Variants in IGF2BP2 observed in about 807,000 individuals in gnomAD.
IGF2BP2 encodes the protein insulin like growth factor 2 mRNA binding protein 2.
Under a neutral mutation model 75.8 loss-of-function variants are expected in IGF2BP2, and 17 were observed. The ratio of observed to expected loss-of-function variants is 0.22; its 90% CI spans 0.15 to 0.34. IGF2BP2 has a LOEUF of 0.34. Ranked by LOEUF, IGF2BP2 falls within the 10% of genes least tolerant of loss-of-function variation. IGF2BP2 has a pLI of 1.00. For missense variants in IGF2BP2, 516 were observed against 772.4 expected (o/e 0.67, Z 3.93); for synonymous variants, 288 against 295.6 (o/e 0.97, Z 0.26).
At chr3:185,821,242 A>G (rs915774854) in intron 2 of IGF2BP2, 4 of 876,738 alleles carry the variant, frequency 4.6e-6, no homozygotes, top group African/African-American at 1.7e-5. Flanking sequence ...GCTTATGCAT[A>G]CATTTGGAAT....
chr3:185,702,975 G>A (rs1008924954), intron 2 of IGF2BP2, among the ~76,000 whole-genome samples: 3 of 152,168 alleles, frequency 2.0e-5, no homozygotes, highest in East Asian at 3.8e-4. Context: ...TGTGGCTTTC[G>A]GATTCAGGAA....
intron 10 of IGF2BP2, among the ~76,000 whole-genome samples, chr3:185,667,425 A>G (rs1372513006): frequency 2.0e-5 from 3 of 152,102 alleles, no homozygotes; most frequent in Non-Finnish European, 4.4e-5. Flanking sequence ...GTAGTGTGCT[A>G]TAATTGTGCC....
At chr3:185,741,124 C>T (rs1489247395) in intron 2 of IGF2BP2, among the ~76,000 whole-genome samples, 4 of 152,160 alleles carry the variant, frequency 2.6e-5, no homozygotes, top group Non-Finnish European at 4.4e-5. Flanking sequence ...CCACCAGCCT[C>T]GGCCTCCCAA....
At chr3:185,693,480 C>CT (rs1560306135) in intron 4 of IGF2BP2, among the ~76,000 whole-genome samples, 1 of 152,144 alleles carries the variant, frequency 6.6e-6, no homozygotes, top group African/African-American at 2.4e-5. Flanking sequence ...TGACTGAACT[C>CT]TTTGACTGTG....
At chr3:185,731,882 TG>T (rs1362847548) in intron 2 of IGF2BP2, among the ~76,000 whole-genome samples, 1 of 151,894 alleles carries the variant, frequency 6.6e-6, no homozygotes, top group Non-Finnish European at 1.5e-5. Context: ...CTCAGGAGGC[TG>T]AGGCAGGAGA....
chr3:185,784,177 G>C (rs1735565394), intron 2 of IGF2BP2, among the ~76,000 whole-genome samples: 1 of 152,204 alleles, frequency 6.6e-6, no homozygotes, highest in African/African-American at 2.4e-5. Context: ...AGAGGTTATA[G>C]TGAGCTGAGA....
intron 10 of IGF2BP2, among the ~76,000 whole-genome samples, chr3:185,668,810 T>C (rs1428831988): frequency 6.6e-6 from 1 of 152,114 alleles, no homozygotes; most frequent in East Asian, 1.9e-4. Context: ...ATGATTTACA[T>C]AGCAGTTACT....
chr3:185,812,414 T>C (rs183919842), intron 2 of IGF2BP2, among the ~76,000 whole-genome samples: 9 of 152,332 alleles, frequency 5.9e-5, no homozygotes. Flanking sequence ...TTGTTGACTA[T>C]AGAAAAATCC....
chr3:185,696,708 A>G, intron 3 of IGF2BP2, 45 bp from the exon 4 acceptor site: 1 of 1,522,862 alleles, frequency 6.6e-7, no homozygotes. Flanking sequence ...GCAAGATCAT[A>G]TGTACAAAAA....
intron 11 of IGF2BP2, 141 bp downstream of exon 11, chr3:185,658,200 C>T: frequency 1.2e-6 from 1 of 817,308 alleles, no homozygotes; most frequent in Non-Finnish European, 2.0e-6. Flanking sequence ...CGTGCTCAGG[C>T]TTTGAGGTGT....
chr3:185,687,214 C>T lies in IGF2BP2; in HGVS notation c.678-23G>A, dbSNP rs781516060. 1.9e-6 allele frequency: 3 copies of T among 1,592,414 alleles called. No individual in the cohort carries two copies. In the Admixed American group the frequency reaches 5.7e-5, roughly 30 times the overall value. On this transcript the variant is annotated intron_variant, in intron 6 of 15. Transcript: ENST00000382199. ...ACCCTGTAGGAAAAGAATCAGGAGC[C>T]ATGATTACAAGGTCATCTGGATAGG... is the stretch of plus-strand genomic sequence containing the variant.
In IGF2BP2 at chr3:185,668,843, A is replaced by G. The variant is rs60646775; in HGVS notation, c.1200+3698T>C. On this transcript the variant is annotated intron_variant, in intron 10 of 15. Coordinates refer to ENST00000382199, the MANE Select transcript of IGF2BP2 (RefSeq NM_006548.6). ...ACTGTATGTAGGTTTTAACTTAATT[A>G]CCGTTATAACAATCCCCTAATGTAG... Among the ~76,000 whole-genome samples the G allele has an allele frequency of 5.5e-4, 84 of 152,260 alleles. 1 individual carries two copies. In the East Asian group the frequency reaches 0.015, roughly 28 times the overall value.
intron 7 of IGF2BP2, among the ~76,000 whole-genome samples, chr3:185,680,346 T>A (rs1386131151): frequency 6.6e-6 from 1 of 152,108 alleles, no homozygotes; most frequent in Non-Finnish European, 1.5e-5. Context: ...CAGGACCAGA[T>A]GGCTTCATCG....
At chr3:185,715,444 G>A (rs1011629322) in intron 2 of IGF2BP2, among the ~76,000 whole-genome samples, 1 of 152,128 alleles carries the variant, frequency 6.6e-6, no homozygotes, top group African/African-American at 2.4e-5. Flanking sequence ...GGTAAACACC[G>A]GGAGGCAGGT....
chr3:185,704,927 C>T (rs766570199), intron 2 of IGF2BP2, among the ~76,000 whole-genome samples: 3 of 152,068 alleles, frequency 2.0e-5, no homozygotes, highest in South Asian at 2.1e-4. Context: ...CATTAGGAAA[C>T]GAAATGTGTT....
chr3:185,699,430 A>T (rs777974325), intron 2 of IGF2BP2, among the ~76,000 whole-genome samples: 7 of 152,176 alleles, frequency 4.6e-5, no homozygotes, highest in Admixed American at 6.5e-5. Flanking sequence ...TTACCTAACA[A>T]GGCAAAATGC....
Position 185,801,854 on chromosome 3 carries a change from A to C in IGF2BP2, c.239+21299T>G, listed in dbSNP as rs78718281. ...ATGTAGCCATAAAAAGAGTGAGTTCATATCCTTTGCAGGGACATGGATGAA... is the reference window on the plus strand; with the variant it reads ...ATGTAGCCATAAAAAGAGTGAGTTCCTATCCTTTGCAGGGACATGGATGAA... On this transcript the variant is annotated intron_variant, in intron 2 of 15. Transcript: ENST00000382199. 3.4e-3 allele frequency among the ~76,000 whole-genome samples: 520 copies of C among 152,256 alleles called. 1 individual carries two copies. Among genetic ancestry groups the C allele is most frequent in the African/African-American group, 0.012 (501 of 41,540 alleles).
chr3:185,794,947 G>A (rs1383039522), intron 2 of IGF2BP2, among the ~76,000 whole-genome samples: 2 of 151,824 alleles, frequency 1.3e-5, no homozygotes, highest in African/African-American at 4.8e-5. Context: ...GCCCAGGCTG[G>A]AGTGCAGTGG....
At chr3:185,742,364 C>T (rs1007848907) in intron 2 of IGF2BP2, among the ~76,000 whole-genome samples, 2 of 151,960 alleles carry the variant, frequency 1.3e-5, no homozygotes, top group African/African-American at 2.4e-5. Flanking sequence ...GGCATGGTGC[C>T]GGGTGCCCGT....
Sources: gnomAD v4.1 joint callset for allele counts (sites outside exome capture counted in the v4.1 genomes callset) on GRCh38, gnomAD v4.1.1 for gene constraint, MANE v1.5 for transcripts, NCBI Gene and HGNC (gene_info 2026-07-23, HGNC 2026-07-21) for gene names.